Variants in CCDC88C observed in about 807,000 individuals in gnomAD.
CCDC88C encodes coiled-coil and HOOK domain protein 88C.
In CCDC88C, 131 loss-of-function variants were observed where a neutral mutation model predicts 198.8. The observed-to-expected ratio is 0.66, with a 90% CI of 0.57 to 0.76. CCDC88C has a LOEUF of 0.76. Among genes scored for constraint, CCDC88C ranks in the 30% least tolerant of loss-of-function variants. CCDC88C has a pLI of 0.00. For synonymous variants in CCDC88C, 1,166 were observed against 1,114.7 expected (o/e 1.05, Z -0.92); for missense variants, 2,553 against 2,631.6 (o/e 0.97, Z 0.65).
chr14:91,372,547 G>GGGGGGGGGGGGGGGGGGGGT (rs1894863342), intron 3 of CCDC88C, among the ~76,000 whole-genome samples: 1 of 122,850 alleles, frequency 8.1e-6, no homozygotes, highest in African/African-American at 3.1e-5. Context: ...GCGGGCGGGG[G>GGGGGGGGGGGGGGGGGGGGT]GGGGAGGCGT....
intron 3 of CCDC88C, among the ~76,000 whole-genome samples, chr14:91,374,165 T>C (rs370862582): frequency 9.2e-5 from 14 of 152,288 alleles, no homozygotes; most frequent in African/African-American, 3.4e-4. Flanking sequence ...TTTTGGGACC[T>C]CCAACTAAAC....
intron 3 of CCDC88C, among the ~76,000 whole-genome samples, chr14:91,377,769 C>G (rs1355202847): frequency 6.6e-6 from 1 of 152,208 alleles, no homozygotes; most frequent in Non-Finnish European, 1.5e-5. Flanking sequence ...ATACGAGCCC[C>G]CCAGTGCTGG....
rs1268270065 is a variant in CCDC88C at position 91,352,811 on chromosome 14, A to G, written c.340+6831T>C. On this transcript the variant is annotated intron_variant, in intron 4 of 29. Coordinates refer to ENST00000389857, the MANE Select transcript of CCDC88C (RefSeq NM_001080414.4). The surrounding 1 kb of genome is among the most constrained non-coding windows in gnomAD (Gnocchi z 4.2). Reference sequence around the variant, plus strand: ...GGTGAGCAGGCATGGAGCCAGGGGCAGGACTGGGAGGGCCGCAGGGCCAGG... The same window carrying G: ...GGTGAGCAGGCATGGAGCCAGGGGCGGGACTGGGAGGGCCGCAGGGCCAGG... 6.6e-6 allele frequency among the ~76,000 whole-genome samples: 1 copy of G among 152,226 alleles called. No homozygotes were observed. Among genetic ancestry groups the G allele is most frequent in the Non-Finnish European group, 1.5e-5 (1 of 68,040 alleles).
At chr14:91,286,934 G>A (rs1890432951) in intron 25 of CCDC88C, among the ~76,000 whole-genome samples, 1 of 152,238 alleles carries the variant, frequency 6.6e-6, no homozygotes, top group Non-Finnish European at 1.5e-5. Flanking sequence ...AGGATTCAAT[G>A]AGATGCATAA....
chr14:91,371,471 C>CCGGTGGCAGGAGTACAGAGGCCGG lies in CCDC88C; in HGVS notation c.271-11784_271-11761dup, dbSNP rs1260270095. Among the ~76,000 whole-genome samples the CCGGTGGCAGGAGTACAGAGGCCGG allele has an allele frequency of 2.0e-5, 3 of 152,010 alleles. No homozygotes were observed. Among genetic ancestry groups the CCGGTGGCAGGAGTACAGAGGCCGG allele is most frequent in the African/African-American group, 7.2e-5 (3 of 41,380 alleles). On this transcript the variant is annotated intron_variant, in intron 3 of 29. Transcript: ENST00000389857. The surrounding 1 kb of genome is among the most constrained non-coding windows in gnomAD (Gnocchi z 4.2). Reference sequence around the variant, plus strand: ...GTCCAGGCCCAGCCAACCTCACCCGCCGGTGGCAGGAGTACAGAGGCCGGC... The same window carrying CCGGTGGCAGGAGTACAGAGGCCGG: ...GTCCAGGCCCAGCCAACCTCACCCGCCGGTGGCAGGAGTACAGAGGCCGGCGGTGGCAGGAGTACAGAGGCCGGC...
At position 91,325,018 on chromosome 14, in the gene CCDC88C, T is replaced by C; in HGVS notation, c.1198-95A>G. ...CCTGTATAGCTACCGTCATGTGCTG[T>C]GGATGAAGATGTACTGGCTCACTTC... On this transcript the variant is annotated intron_variant, in intron 11 of 29. Transcript: ENST00000389857. The surrounding 1 kb of genome is among the most constrained non-coding windows in gnomAD (Gnocchi z 4.1). The C allele has an allele frequency of 2.1e-6, 3 of 1,454,630 alleles. No homozygotes were observed. Among genetic ancestry groups the C allele is most frequent in the Non-Finnish European group, 2.8e-6 (3 of 1,054,944 alleles). The allele number at this position is 1,454,630 out of a possible 1,614,324, so 90.1% of individuals were successfully genotyped here.
chr14:91,308,410 C>G lies in CCDC88C; in HGVS notation c.2947G>C (p.Glu983Gln), dbSNP rs370002571. The G allele has an allele frequency of 1.3e-5, 21 of 1,613,728 alleles. No homozygotes were observed. In the African/African-American group the frequency reaches 2.5e-4, roughly 19 times the overall value. The stretch of plus-strand genomic sequence containing the variant: ...CTCGCTTTCTCTTCCATCTGTGCTT[C>G]TAAGAGCACAATCTTTTCTTCTTTC... ...AMKEEKIVLL[E>Q]AQMEEKASLN... is the part of the protein sequence containing the mutation. Residue 983 changes from glutamate to glutamine, a missense_variant, in exon 17 of 30, where the codon GAA becomes CAA. Around this residue, in one of 2 missense-constraint regions of CCDC88C, gnomAD observed 1,260 missense variants for 1,412.0 expected, o/e 0.89. Coordinates refer to ENST00000389857, the MANE Select transcript of CCDC88C (RefSeq NM_001080414.4).
intron 3 of CCDC88C, among the ~76,000 whole-genome samples, chr14:91,398,552 T>TCCC (rs1342017986): frequency 1.3e-5 from 2 of 151,776 alleles, no homozygotes; most frequent in African/African-American, 4.8e-5. Flanking sequence ...AGCTACTTGG[T>TCCC]AGATTGAGGC....
chr14:91,417,633 A>T lies in CCDC88C; in HGVS notation c.58T>A (p.Trp20Arg). ...ELFLQSPLVTWVKTFGPFGSG... is the reference protein window; with the variant it reads ...ELFLQSPLVTRVKTFGPFGSG... ...GGCGGGGAGCCAGGCGCACTCACCC[A>T]GGTCACCAGCGGGCTCTGCAGGAAG... Residue 20 changes from tryptophan (W) to arginine (R), a missense_variant and splice_region_variant, in exon 1 of 30, where the codon TGG (tryptophan) becomes AGG (arginine). Physicochemically the swap from Trp to Arg is moderately radical, Grantham distance 101. Transcript: ENST00000389857. 1 of 1,590,420 alleles carries T rather than the reference A, an allele frequency of 6.3e-7. No individual in the cohort carries two copies. Among genetic ancestry groups the T allele is most frequent in the Non-Finnish European group, 8.5e-7 (1 of 1,170,668 alleles).
intron 20 of CCDC88C, among the ~76,000 whole-genome samples, chr14:91,302,020 G>GC (rs1172497469): frequency 6.6e-6 from 1 of 152,210 alleles, no homozygotes; most frequent in African/African-American, 2.4e-5. Flanking sequence ...AGTTTCAGAT[G>GC]CCTCAACAGC....
intron 20 of CCDC88C, among the ~76,000 whole-genome samples, chr14:91,301,942 A>G (rs1411426226): frequency 6.6e-6 from 1 of 152,184 alleles, no homozygotes; most frequent in East Asian, 1.9e-4. Context: ...GGGTGGGGGA[A>G]GACGAGGGAG....
At chr14:91,363,861 G>C (rs1433883886) in intron 3 of CCDC88C, among the ~76,000 whole-genome samples, 2 of 152,262 alleles carry the variant, frequency 1.3e-5, no homozygotes, top group African/African-American at 4.8e-5. Context: ...AGTCTGGCAG[G>C]GACGTGAGGA....
chr14:91,301,417 A>G (rs767090006), intron 20 of CCDC88C, among the ~76,000 whole-genome samples: 2 of 152,250 alleles, frequency 1.3e-5, no homozygotes, highest in African/African-American at 4.8e-5. Flanking sequence ...CTGAATGCAC[A>G]TTAAGAATAC....
At chr14:91,282,680 G>A (rs1267324607) in intron 26 of CCDC88C, among the ~76,000 whole-genome samples, 1 of 152,156 alleles carries the variant, frequency 6.6e-6, no homozygotes, top group Non-Finnish European at 1.5e-5. Flanking sequence ...TGGAGACAGG[G>A]AGTTCCTAAA....
rs940577739 is a variant in CCDC88C at position 91,408,549 on chromosome 14, A to G, written c.270+110T>C. 7.0e-6 allele frequency: 5 copies of G among 716,866 alleles called. No individual in the cohort carries two copies. The African/African-American group carries it at 8.7e-5, about 12-fold the overall frequency. 44.4% of individuals were successfully genotyped at this position (716,866 alleles called of 1,614,324 possible). On this transcript the variant is annotated intron_variant, in intron 3 of 29. Transcript: ENST00000389857. ...GAAAGCAGACCAACTGTCAACAAGT[A>G]GAGGCCTAAACATAAGCACCGTTTC...
chr14:91,317,434 T>A (rs984641721), intron 13 of CCDC88C, among the ~76,000 whole-genome samples: 1 of 152,220 alleles, frequency 6.6e-6, no homozygotes, highest in Admixed American at 6.5e-5. Flanking sequence ...CTGAGCTGGC[T>A]GAGGGTTGCC....
chr14:91,413,790 C>A (rs1420749072), intron 2 of CCDC88C, among the ~76,000 whole-genome samples: 1 of 152,224 alleles, frequency 6.6e-6, no homozygotes, highest in Admixed American at 6.5e-5. Flanking sequence ...CCCAGCCAAC[C>A]TCCACAAGGC....
intron 3 of CCDC88C, among the ~76,000 whole-genome samples, chr14:91,404,857 C>A (rs952548558): frequency 6.6e-6 from 1 of 150,654 alleles, no homozygotes; most frequent in Non-Finnish European, 1.5e-5. Context: ...CCCAGCTACT[C>A]GGGAGGCTGA....
intron 10 of CCDC88C, among the ~76,000 whole-genome samples, chr14:91,333,784 T>A (rs765486391): frequency 3.3e-5 from 5 of 152,198 alleles, no homozygotes; most frequent in Non-Finnish European, 7.3e-5. Context: ...AATCTGCATT[T>A]TAAACACAAA....
Sources: allele counts gnomAD v4.1 joint callset (sites outside exome capture counted in the v4.1 genomes callset), GRCh38; gene constraint gnomAD v4.1.1; regional missense constraint gnomAD v4.1.1; non-coding constraint Gnocchi (gnomAD v3.1); transcripts MANE v1.5; gene names NCBI Gene and HGNC (gene_info 2026-07-23, HGNC 2026-07-21).